PPFIA1: variants seen among roughly 807,000 people sequenced by gnomAD.
The protein encoded by PPFIA1 is PPFI scaffold protein A1.
PPFIA1 carries 25 observed loss-of-function variants against 149.9 expected under a neutral mutation model. The observed-to-expected ratio is 0.17, with a 90% CI of 0.12 to 0.23. The LOEUF (loss-of-function observed/expected upper bound fraction) is 0.23, where lower values mean the gene tolerates loss of function less well. Among genes scored for constraint, PPFIA1 ranks in the 10% least tolerant of loss-of-function variants. The probability of loss-of-function intolerance (pLI) is 1.00; values close to 1 mark genes in which losing one functional copy is unlikely to be tolerated. For synonymous variants in PPFIA1, 549 were observed against 552.8 expected (o/e 0.99, Z 0.10); for missense variants, 1,362 against 1,506.5 (o/e 0.90, Z 1.59).
intron 14 of PPFIA1, among the ~76,000 whole-genome samples, chr11:70,340,411 C>T (rs1020316587): frequency 2.0e-5 from 3 of 152,154 alleles, no homozygotes; most frequent in Admixed American, 2.0e-4. Flanking sequence ...CCACTGCGCT[C>T]CAGCTTGGTC....
At chr11:70,340,611 C>T (rs2055271237) in intron 14 of PPFIA1, among the ~76,000 whole-genome samples, 1 of 152,124 alleles carries the variant, frequency 6.6e-6, no homozygotes, top group South Asian at 2.1e-4. Flanking sequence ...GGCCAGGCCG[C>T]ATTACAGACC....
chr11:70,378,292 G>T (rs966960648), intron 26 of PPFIA1, 97 bp downstream of exon 26: 15 of 1,439,300 alleles, frequency 1.0e-5, no homozygotes, highest in African/African-American at 1.4e-5. Context: ...TATTTAATAT[G>T]TTACAAGGCA....
chr11:70,337,308 C>A, intron 11 of PPFIA1, 57 bp from the exon 12 acceptor site: 1 of 1,203,066 alleles, frequency 8.3e-7, no homozygotes, highest in Non-Finnish European at 1.2e-6. Context: ...TACAGCCATG[C>A]TATATTTAAA....
At chr11:70,342,987 G>A (rs1423646088) in intron 14 of PPFIA1, among the ~76,000 whole-genome samples, 6 of 107,436 alleles carry the variant, frequency 5.6e-5, no homozygotes, top group Admixed American at 1.4e-4. Flanking sequence ...TCTTTCTGTC[G>A]CCCAGGCTGG....
At chr11:70,344,462 G>A (rs1331790229) in intron 15 of PPFIA1, among the ~76,000 whole-genome samples, 2 of 152,218 alleles carry the variant, frequency 1.3e-5, no homozygotes, top group Non-Finnish European at 2.9e-5. Flanking sequence ...GAAGCGGGAG[G>A]AAGGGTTGCT....
At chr11:70,365,749 C>T (rs1038351010) in intron 21 of PPFIA1, 17 of 359,316 alleles carry the variant, frequency 4.7e-5, no homozygotes, top group Admixed American at 1.6e-4. Flanking sequence ...ATGCTTGGCA[C>T]GGAGAGAGTC....
rs2055519502 is a variant in PPFIA1, at chr11:70,343,978, C to T, written c.1931+86C>T. ...TGCCTGGAAAAGTCTGGATGAAATACTATTAACATTTTCTAAGTATTACAT... is the reference window on the plus strand; with the variant it reads ...TGCCTGGAAAAGTCTGGATGAAATATTATTAACATTTTCTAAGTATTACAT... On this transcript the variant is annotated intron_variant, in intron 15 of 27. Coordinates refer to ENST00000253925, the MANE Select transcript of PPFIA1 (RefSeq NM_003626.5). 3 of 1,154,916 alleles carry T rather than the reference C, an allele frequency of 2.6e-6. No homozygotes were observed. The Admixed American group carries it at 6.4e-5, about 24-fold the overall frequency. 71.5% of individuals were successfully genotyped at this position (1,154,916 alleles called of 1,614,324 possible).
chr11:70,374,950 C>T lies in PPFIA1; in HGVS notation c.3172C>T (p.Arg1058Cys), dbSNP rs774749536. The T allele has an allele frequency of 2.2e-5, 36 of 1,611,726 alleles. No homozygotes were observed. In the Admixed American group the frequency reaches 2.5e-4, roughly 11 times the overall value. Residue 1058 changes from arginine (R) to cysteine (C), a missense_variant, in exon 24 of 28, where the codon CGC becomes TGC. Arg to Cys is a radical substitution (Grantham distance 180). This residue lies in a region of PPFIA1 where 349 missense variants were observed against 373.3 expected (regional missense o/e 0.93). Coordinates refer to ENST00000253925, the MANE Select transcript of PPFIA1 (RefSeq NM_003626.5). ...TGTTTGGAGCAATGATCGAGTGATT[C>T]GCTGGATCCTGTCAATTGGCCTTAA... Reference protein sequence around the residue: ...VLVWSNDRVIRWILSIGLKEY... With the variant: ...VLVWSNDRVICWILSIGLKEY...
At chr11:70,369,890 G>C (rs2057140001) in intron 21 of PPFIA1, among the ~76,000 whole-genome samples, 1 of 151,584 alleles carries the variant, frequency 6.6e-6, no homozygotes, top group East Asian at 1.9e-4. Context: ...TCCTGCTTCA[G>C]CCTCCTGAGT....
At chr11:70,322,197 T>C (rs2053984280) in intron 2 of PPFIA1, among the ~76,000 whole-genome samples, 1 of 152,220 alleles carries the variant, frequency 6.6e-6, no homozygotes, top group Non-Finnish European at 1.5e-5. Context: ...GCTTTTTAAC[T>C]GAAGCTAGTT....
chr11:70,352,122 G>A (rs998982015), intron 16 of PPFIA1, among the ~76,000 whole-genome samples: 1 of 152,218 alleles, frequency 6.6e-6, no homozygotes, highest in African/African-American at 2.4e-5. Context: ...TCTGACAAAA[G>A]TGTGGGACCT....
intron 15 of PPFIA1, among the ~76,000 whole-genome samples, chr11:70,345,512 G>A (rs943484961): frequency 1.4e-4 from 21 of 152,244 alleles, no homozygotes; most frequent in African/African-American, 3.9e-4. Context: ...ACAGGAGTCA[G>A]AGATGACTCC....
In PPFIA1 at chr11:70,348,363, A is replaced by G. The variant is rs1237405808; in HGVS notation, c.2106A>G (p.Pro702=). 8 of 1,614,024 alleles carry G rather than the reference A, an allele frequency of 5.0e-6. No homozygotes were observed. In the South Asian group the frequency reaches 8.8e-5, roughly 18 times the overall value. The stretch of plus-strand genomic sequence containing the variant: ...CTCCGGGCAGTGGGCGCTCCACCCC[A>G]CGAAGGATCCCTCACAGCCCAGCTC... ...SSPPGSGRST[P]RRIPHSPARE... Residue 702 remains proline (P), a synonymous_variant, in exon 16 of 28, where the codon CCA becomes CCG. Coordinates refer to ENST00000253925, the MANE Select transcript of PPFIA1 (RefSeq NM_003626.5).
Position 70,297,412 on chromosome 11 carries a change from GA to G in PPFIA1, c.264+24985del, listed in dbSNP as rs369791914. 6.1e-3 allele frequency among the ~76,000 whole-genome samples: 906 copies of G among 148,048 alleles called. 9 individuals carry two copies. Among genetic ancestry groups the G allele is most frequent in the African/African-American group, 0.02 (818 of 40,200 alleles). ...TGACAGCAAGACTTGTCTCTAAAATGAAAAAAAAAGAAAAAATGAAAAAAGA... is the reference window on the plus strand; with the variant it reads ...TGACAGCAAGACTTGTCTCTAAAATGAAAAAAAAGAAAAAATGAAAAAAGA... On this transcript the variant is annotated intron_variant, in intron 2 of 27. Transcript: ENST00000253925.
intron 21 of PPFIA1, among the ~76,000 whole-genome samples, chr11:70,368,979 A>G (rs1434151871): frequency 1.3e-5 from 2 of 148,368 alleles, no homozygotes; most frequent in Non-Finnish European, 3.0e-5. Flanking sequence ...TTAAAGAGAC[A>G]GGGTCTCACC....
chr11:70,374,682 G>C, intron 23 of PPFIA1: 1 of 456,408 alleles, frequency 2.2e-6, no homozygotes, highest in Non-Finnish European at 3.8e-6. Flanking sequence ...CATTCCTCTC[G>C]TGCTCACTGG....
At chr11:70,365,055 T>C (rs1290030492) in intron 21 of PPFIA1, 1 of 183,098 alleles carries the variant, frequency 5.5e-6, no homozygotes, top group Admixed American at 5.7e-5. Context: ...TTAAATATAT[T>C]GAATCAATAG....
rs1373272827 is a variant in PPFIA1, at chr11:70,290,754, T to TA, written c.264+18319dup. The stretch of plus-strand genomic sequence containing the variant: ...CAAAGGGCCAATTATTCCTCCTGCC[T>TA]ATGTAGTTTTAAACCTTTGCCAGTA... On this transcript the variant is annotated intron_variant, in intron 2 of 27. Coordinates refer to ENST00000253925, the MANE Select transcript of PPFIA1 (RefSeq NM_003626.5). Among the ~76,000 whole-genome samples, 10 of 152,372 alleles carry TA rather than the reference T, an allele frequency of 6.6e-5. No homozygotes were observed. The East Asian group carries it at 1.9e-3, about 29-fold the overall frequency.
chr11:70,286,935 C>CAT (rs1163522820), intron 2 of PPFIA1, among the ~76,000 whole-genome samples: 1 of 134,798 alleles, frequency 7.4e-6, no homozygotes, highest in African/African-American at 3.5e-5. Flanking sequence ...TATATATACA[C>CAT]ATATATATAC....
Sources: gnomAD v4.1 joint callset for allele counts (sites outside exome capture counted in the v4.1 genomes callset) on GRCh38, gnomAD v4.1.1 for gene constraint, gnomAD v4.1.1 regional missense constraint, MANE v1.5 for transcripts, NCBI Gene and HGNC (gene_info 2026-07-23, HGNC 2026-07-21) for gene names.